Variants in DDX31 observed in about 807,000 individuals in gnomAD.
DDX31 encodes the protein DEAD-box helicase 31, also known as ATP-dependent DNA helicase DDX31.
In DDX31, 70 loss-of-function variants were observed where a neutral mutation model predicts 91.3. The ratio of observed to expected loss-of-function variants is 0.77; its 90% CI spans 0.63 to 0.94. The LOEUF (loss-of-function observed/expected upper bound fraction) is 0.94. DDX31 is among the 40% of genes least tolerant of loss of function. The probability of loss-of-function intolerance (pLI) is 0.00; values close to 1 mark genes in which losing one functional copy is unlikely to be tolerated. For synonymous variants in DDX31, 362 were observed against 350.6 expected, an observed-to-expected ratio of 1.03 and a Z score of -0.36; for missense variants, 902 against 925.0, an observed-to-expected ratio of 0.98 and a Z score of 0.32.
chr9:132,647,115 C>A, intron 11 of DDX31, 57 bp from the exon 12 acceptor site: 1 of 1,525,202 alleles, frequency 6.6e-7, no homozygotes, highest in Non-Finnish European at 9.1e-7. Context: ...AAACTGGTCA[C>A]AAAAGCGTAC....
chr9:132,658,024 G>T (rs1834679990), intron 6 of DDX31: 1 of 356,694 alleles, frequency 2.8e-6, no homozygotes, highest in Non-Finnish European at 5.0e-6. Flanking sequence ...CACCACATTG[G>T]AACTTAGAAG....
At chr9:132,634,585 G>GTTT (rs59296842) in intron 14 of DDX31, among the ~76,000 whole-genome samples, 17,219 of 102,884 alleles carry the variant, frequency 0.17, 1,771 homozygotes, top group East Asian at 0.36. Context: ...TACCTAAGAT[G>GTTT]TTTTTTTTTT....
At chr9:132,662,177 T>C (rs1011247287) in intron 3 of DDX31, 84 bp downstream of exon 3, 1 of 1,334,514 alleles carries the variant, frequency 7.5e-7, no homozygotes, top group Admixed American at 1.9e-5. Flanking sequence ...TGATCTCTCC[T>C]CCTAGAGCGG....
At chr9:132,634,369 C>T (rs553232328) in intron 14 of DDX31, among the ~76,000 whole-genome samples, 1 of 152,206 alleles carries the variant, frequency 6.6e-6, no homozygotes, top group Admixed American at 6.5e-5. Context: ...TGCCCACGCA[C>T]ACACACACAT....
At chr9:132,626,617 C>T (rs1590019863) in intron 16 of DDX31, among the ~76,000 whole-genome samples, 1 of 150,550 alleles carries the variant, frequency 6.6e-6, no homozygotes, top group Non-Finnish European at 1.5e-5. Flanking sequence ...CATAAGAAGA[C>T]AAATGATTTT....
intron 9 of DDX31, 94 bp downstream of exon 9, chr9:132,650,138 CAA>C: frequency 8.2e-7 from 1 of 1,220,010 alleles, no homozygotes; most frequent in Non-Finnish European, 1.2e-6. Flanking sequence ...GAGCCTGAGA[CAA>C]AGCTCTCAGC....
chr9:132,646,762 T>C, intron 12 of DDX31, 61 bp downstream of exon 12: 1 of 1,552,804 alleles, frequency 6.4e-7, no homozygotes, highest in Non-Finnish European at 8.9e-7. Context: ...TCCCAATGGC[T>C]TAACACAAGA....
intron 9 of DDX31, among the ~76,000 whole-genome samples, chr9:132,649,946 A>G (rs990440301): frequency 6.6e-6 from 1 of 152,248 alleles, no homozygotes; most frequent in African/African-American, 2.4e-5. Flanking sequence ...AGGTGGATGT[A>G]TACTAAACCA....
chr9:132,640,036 T>C (rs1381389941), intron 14 of DDX31, among the ~76,000 whole-genome samples: 3 of 152,232 alleles, frequency 2.0e-5, no homozygotes, highest in Non-Finnish European at 4.4e-5. Context: ...CAATTTGATC[T>C]ACAAAACCAA....
At chr9:132,665,569 A>G (rs182453606) in intron 1 of DDX31, among the ~76,000 whole-genome samples, 175 of 152,324 alleles carry the variant, frequency 1.1e-3, no homozygotes, top group African/African-American at 4.0e-3. Context: ...GAGAGGGAGC[A>G]AGGACATATC....
intron 9 of DDX31, among the ~76,000 whole-genome samples, chr9:132,649,974 T>A (rs1834077896): frequency 6.6e-6 from 1 of 152,166 alleles, no homozygotes. Context: ...TATAGAGCAT[T>A]GGGTAGGTGG....
At chr9:132,602,237 G>A (rs1350921746) in intron 19 of DDX31, among the ~76,000 whole-genome samples, 1 of 152,198 alleles carries the variant, frequency 6.6e-6, no homozygotes, top group Admixed American at 6.5e-5. Flanking sequence ...GCACTGGGAC[G>A]CCAGGGGTGC....
At chr9:132,669,639 C>G (rs1835589652) in intron 1 of DDX31, 16 of 1,530,726 alleles carry the variant, frequency 1.0e-5, no homozygotes, top group Non-Finnish European at 1.2e-5. Context: ...CCCCGCCCCT[C>G]CACACCGCTC....
At chr9:132,657,118 C>T (rs1258185876) in intron 6 of DDX31, among the ~76,000 whole-genome samples, 2 of 152,164 alleles carry the variant, frequency 1.3e-5, no homozygotes, top group Non-Finnish European at 2.9e-5. Flanking sequence ...TTTCAAGTAA[C>T]AAAGCAAGAA....
intron 17 of DDX31, among the ~76,000 whole-genome samples, chr9:132,622,219 C>T (rs1048515311): frequency 1.3e-5 from 2 of 152,142 alleles, no homozygotes; most frequent in African/African-American, 4.8e-5. Context: ...AGATAATCTG[C>T]CTGAGATTGC....
At chr9:132,643,449 T>C (rs1290866717) in intron 13 of DDX31, among the ~76,000 whole-genome samples, 1 of 152,210 alleles carries the variant, frequency 6.6e-6, no homozygotes, top group African/African-American at 2.4e-5. Context: ...GTCTTTCTGG[T>C]CTTTCCTGTG....
At chr9:132,632,241 TACACACACACACACACAC>T (rs57020423) in intron 14 of DDX31, 150 bp from the exon 15 acceptor site, 14 of 94,100 alleles carry the variant, frequency 1.5e-4, no homozygotes, top group East Asian at 5.2e-4. Flanking sequence ...CCAGTACGTG[TACACACACACACACACAC>T]ACACACACAC....
At chr9:132,599,323 C>G (rs938534198) in intron 19 of DDX31, among the ~76,000 whole-genome samples, 3 of 152,220 alleles carry the variant, frequency 2.0e-5, no homozygotes, top group African/African-American at 7.2e-5. Flanking sequence ...TCTGACTTCA[C>G]AGAGTTTAAC....
chr9:132,616,621 C>A (rs796227595), intron 18 of DDX31, among the ~76,000 whole-genome samples: 13 of 152,270 alleles, frequency 8.5e-5, no homozygotes, highest in African/African-American at 2.9e-4. Context: ...GCTGAATTTG[C>A]CTAACTTTCA....
Sources: gnomAD v4.1 joint callset for allele counts (sites outside exome capture counted in the v4.1 genomes callset) on GRCh38, gnomAD v4.1.1 for gene constraint, MANE v1.5 for transcripts, NCBI Gene and HGNC (gene_info 2026-07-23, HGNC 2026-07-21) for gene names.